Variants in ERBB4 observed in about 807,000 individuals in gnomAD.
ERBB4 encodes erb-b2 receptor tyrosine kinase 4.
In ERBB4, 42 loss-of-function variants were observed where a neutral mutation model predicts 158.0. That is an observed-to-expected ratio of 0.27 (90% CI 0.21 to 0.34). ERBB4 has a LOEUF of 0.34. Among genes scored for constraint, ERBB4 ranks in the 10% least tolerant of loss-of-function variants. The pLI is 1.00. For synonymous variants in ERBB4, 583 were observed against 558.7 expected, an observed-to-expected ratio of 1.04 and a Z score of -0.61; for missense variants, 1,333 against 1,624.1, an observed-to-expected ratio of 0.82 and a Z score of 3.08.
At chr2:211,946,530 C>T (rs1339732226) in intron 3 of ERBB4, among the ~76,000 whole-genome samples, 1 of 145,100 alleles carries the variant, frequency 6.9e-6, no homozygotes, top group Non-Finnish European at 1.5e-5. Flanking sequence ...AAAGTGTAAA[C>T]TCCTTTATCC....
rs151120104 is a variant in ERBB4 at position 212,440,419 on chromosome 2, G to A, written c.82+98030C>T. 1.0e-3 allele frequency among the ~76,000 whole-genome samples: 153 copies of A among 152,264 alleles called. 1 individual carries two copies. In the East Asian group the frequency reaches 0.023, roughly 23 times the overall value. ...TCCAAGTTCTTCAATTTTGGTACTC[G>A]GACTGGCTGTCCTTGCTCCTCATCT... On this transcript the variant is annotated intron_variant, in intron 1 of 27. Coordinates refer to ENST00000342788, the MANE Select transcript of ERBB4 (RefSeq NM_005235.3).
chr2:212,423,944 T>C (rs1202245148), intron 1 of ERBB4, among the ~76,000 whole-genome samples: 3 of 152,188 alleles, frequency 2.0e-5, no homozygotes, highest in African/African-American at 7.2e-5. Context: ...AAGTTTATTA[T>C]TAAAACCTAA....
chr2:211,608,126 A>T (rs945336673), intron 19 of ERBB4, among the ~76,000 whole-genome samples: 33 of 152,062 alleles, frequency 2.2e-4, no homozygotes, highest in African/African-American at 8.0e-4. Context: ...TGAGAGTAAG[A>T]GTGAGTAACA....
At chr2:212,440,495 A>G (rs914237853) in intron 1 of ERBB4, among the ~76,000 whole-genome samples, 1 of 152,178 alleles carries the variant, frequency 6.6e-6, no homozygotes, top group African/African-American at 2.4e-5. Context: ...AATACTTAAT[A>G]CATTCATATA....
At chr2:212,008,118 C>A (rs1475496489) in intron 2 of ERBB4, among the ~76,000 whole-genome samples, 1 of 152,020 alleles carries the variant, frequency 6.6e-6, no homozygotes, top group African/African-American at 2.4e-5. Flanking sequence ...ACTTACTGAG[C>A]TGTATTTTTG....
intron 20 of ERBB4, among the ~76,000 whole-genome samples, chr2:211,502,433 G>T (rs1373785013): frequency 6.6e-6 from 1 of 152,096 alleles, no homozygotes; most frequent in Non-Finnish European, 1.5e-5. Flanking sequence ...CTTAACTTCA[G>T]ATTATAAACA....
chr2:212,037,839 G>GA (rs2077050638), intron 2 of ERBB4, among the ~76,000 whole-genome samples: 1 of 152,092 alleles, frequency 6.6e-6, no homozygotes, highest in Admixed American at 6.6e-5. Flanking sequence ...AAAACATCTA[G>GA]ACCAAACAAT....
At chr2:211,883,465 A>AT (rs1416772102) in intron 3 of ERBB4, among the ~76,000 whole-genome samples, 2 of 152,050 alleles carry the variant, frequency 1.3e-5, no homozygotes, top group Non-Finnish European at 2.9e-5. Flanking sequence ...ATAATAATAA[A>AT]AATAAAATTA....
At chr2:212,108,451 A>C (rs2079296588) in intron 2 of ERBB4, among the ~76,000 whole-genome samples, 1 of 152,238 alleles carries the variant, frequency 6.6e-6, no homozygotes, top group Non-Finnish European at 1.5e-5. Context: ...TAAGCACTCA[A>C]GATCAAAGGA....
intron 2 of ERBB4, among the ~76,000 whole-genome samples, chr2:211,962,893 T>C (rs974371129): frequency 4.6e-5 from 7 of 152,196 alleles, no homozygotes; most frequent in Non-Finnish European, 8.8e-5. Context: ...CCAAGTACTA[T>C]ATGAACTTTC....
chr2:211,408,007 T>C (rs2063180396), intron 25 of ERBB4, among the ~76,000 whole-genome samples: 1 of 152,154 alleles, frequency 6.6e-6, no homozygotes, highest in South Asian at 2.1e-4. Flanking sequence ...AGAGCATCTC[T>C]CTCTCTCAAG....
chr2:212,446,609 A>G (rs1225807689), intron 1 of ERBB4, among the ~76,000 whole-genome samples: 4 of 45,518 alleles, frequency 8.8e-5, no homozygotes, highest in Admixed American at 4.6e-4. Flanking sequence ...ATATATATAT[A>G]TATATATATA....
intron 20 of ERBB4, among the ~76,000 whole-genome samples, chr2:211,489,068 A>G (rs1364523224): frequency 2.0e-5 from 3 of 152,108 alleles, no homozygotes; most frequent in Non-Finnish European, 4.4e-5. Flanking sequence ...CAGGTAGAAC[A>G]TATTTTGATT....
intron 7 of ERBB4, among the ~76,000 whole-genome samples, chr2:211,719,558 T>G (rs186107306): frequency 2.6e-5 from 4 of 152,176 alleles, no homozygotes; most frequent in Admixed American, 2.6e-4. Context: ...AGCATGCTGT[T>G]CAAGAAAGTG....
At chr2:212,177,430 CAAT>C (rs1338866752) in intron 1 of ERBB4, among the ~76,000 whole-genome samples, 5 of 151,944 alleles carry the variant, frequency 3.3e-5, no homozygotes, top group Non-Finnish European at 5.9e-5. Context: ...TTTAGTACAA[CAAT>C]AATAATTCTG....
At chr2:211,557,060 A>G (rs191664071) in intron 20 of ERBB4, among the ~76,000 whole-genome samples, 1 of 152,310 alleles carries the variant, frequency 6.6e-6, no homozygotes, top group African/African-American at 2.4e-5. Flanking sequence ...CTGCCTAGCC[A>G]TATGGAGAAG....
chr2:212,122,614 A>C (rs1034507795), intron 2 of ERBB4, among the ~76,000 whole-genome samples: 6 of 152,166 alleles, frequency 3.9e-5, no homozygotes, highest in Admixed American at 6.5e-5. Context: ...GTTCATTCTA[A>C]TAATGTATCT....
At chr2:212,051,125 C>A (rs964807285) in intron 2 of ERBB4, among the ~76,000 whole-genome samples, 1 of 152,138 alleles carries the variant, frequency 6.6e-6, no homozygotes, top group Admixed American at 6.6e-5. Flanking sequence ...AATGCCTACA[C>A]CTCCTATTCA....
intron 20 of ERBB4, among the ~76,000 whole-genome samples, chr2:211,531,656 A>T (rs1377759024): frequency 6.6e-6 from 1 of 152,156 alleles, no homozygotes; most frequent in Non-Finnish European, 1.5e-5. Flanking sequence ...AAGACAGACA[A>T]TAACAAATGC....
Sources: gnomAD v4.1 joint callset for allele counts (sites outside exome capture counted in the v4.1 genomes callset) on GRCh38, gnomAD v4.1.1 for gene constraint, MANE v1.5 for transcripts, NCBI Gene and HGNC (gene_info 2026-07-23, HGNC 2026-07-21) for gene names.